EED: variants seen among roughly 807,000 people sequenced by gnomAD.
The protein encoded by EED is embryonic ectoderm development.
In EED, 9 loss-of-function variants were observed where a neutral mutation model predicts 61.0. The observed-to-expected ratio is 0.15, with a 90% CI of 0.09 to 0.26. The LOEUF (loss-of-function observed/expected upper bound fraction) is 0.26, where lower values mean the gene tolerates loss of function less well. EED is among the 10% of genes least tolerant of loss of function. EED has a pLI of 1.00. For missense variants in EED, 315 were observed against 542.3 expected (o/e 0.58, Z 4.16); for synonymous variants, 187 against 174.4 (o/e 1.07, Z -0.57).
At chr11:86,247,718 T>C (rs4944562) in intron 1 of EED, among the ~76,000 whole-genome samples, 52,849 of 152,080 alleles carry the variant, frequency 0.35, 9,213 homozygotes, top group Non-Finnish European at 0.36. Flanking sequence ...GTAGAGAACA[T>C]TGTATAAAAA....
At chr11:86,273,071 T>A (rs1946153386) in intron 9 of EED, among the ~76,000 whole-genome samples, 1 of 152,218 alleles carries the variant, frequency 6.6e-6, no homozygotes. Context: ...TCACCCAGGC[T>A]GGAGTGCAGT....
At chr11:86,283,617 G>A (rs1249133179), downstream of EED, among the ~76,000 whole-genome samples, 1 of 152,172 alleles carries the variant, frequency 6.6e-6, no homozygotes, top group African/African-American at 2.4e-5. Context: ...CTGACGAGGT[G>A]AATATGAGAG....
At chr11:86,284,840 G>A in the EED span, among the ~76,000 whole-genome samples, 16 of 152,192 alleles carry the variant, frequency 1.1e-4, no homozygotes, top group South Asian at 6.2e-4. Flanking sequence ...GGCCGGGTGC[G>A]GTGGTTCATG....
At chr11:86,283,315 T>C (rs145169434), downstream of EED, among the ~76,000 whole-genome samples, 312 of 152,294 alleles carry the variant, frequency 2.0e-3, 3 homozygotes, top group Admixed American at 3.8e-3. Context: ...ACTTTAGATA[T>C]TGCAATTTTC....
chr11:86,272,103 G>T, intron 9 of EED, among the ~76,000 whole-genome samples: 1 of 117,258 alleles, frequency 8.5e-6, no homozygotes, highest in African/African-American at 3.2e-5. Flanking sequence ...TGTCGCCCAG[G>T]CTGGAGTGCA....
At chr11:86,271,853 G>T (rs974267728) in intron 9 of EED, among the ~76,000 whole-genome samples, 2 of 150,282 alleles carry the variant, frequency 1.3e-5, no homozygotes, top group East Asian at 4.0e-4. Flanking sequence ...ATCATCCTGT[G>T]TAATTTTTTG....
chr11:86,248,917 G>A (rs933129620), intron 1 of EED, among the ~76,000 whole-genome samples: 6 of 152,190 alleles, frequency 3.9e-5, no homozygotes, highest in Admixed American at 6.5e-5. Flanking sequence ...AGGCTAAGGT[G>A]GGGGGAAGAT....
chr11:86,249,208 A>T (rs1209908618), intron 1 of EED, among the ~76,000 whole-genome samples: 1 of 152,170 alleles, frequency 6.6e-6, no homozygotes, highest in Non-Finnish European at 1.5e-5. Flanking sequence ...GACTAATGAT[A>T]TTCACATTAA....
chr11:86,247,635 C>T (rs979593599), intron 1 of EED, among the ~76,000 whole-genome samples: 3 of 151,834 alleles, frequency 2.0e-5, no homozygotes, highest in African/African-American at 7.3e-5. Context: ...ATTTTTTTTC[C>T]CCATTTGAGT....
In EED at chr11:86,263,033, C is replaced by T. The variant is rs61694597; in HGVS notation, c.635-1139C>T. Among the ~76,000 whole-genome samples the T allele has an allele frequency of 3.7e-3, 570 of 152,222 alleles. 5 individuals carry two copies. Among genetic ancestry groups the T allele is most frequent in the African/African-American group, 0.013 (539 of 41,548 alleles). On this transcript the variant is annotated intron_variant, in intron 6 of 11. Coordinates refer to ENST00000263360, the MANE Select transcript of EED (RefSeq NM_003797.5). ...ATGTTACCCCGGCTGGTCTTGAATT[C>T]CTGGCCTCAAGTGATCCTCCTGCCT...
intron 6 of EED, among the ~76,000 whole-genome samples, chr11:86,258,625 G>A (rs1053316854): frequency 6.1e-5 from 9 of 146,500 alleles, no homozygotes; most frequent in Admixed American, 5.0e-4. Context: ...GTGCAATCTC[G>A]GCTGACTGCA....
Position 86,278,364 on chromosome 11 carries a change from G to A in EED, c.1200-35G>A, listed in dbSNP as rs747696739. 4.4e-6 allele frequency: 7 copies of A among 1,600,858 alleles called. No homozygotes were observed. In the South Asian group the frequency reaches 7.8e-5, roughly 18 times the overall value. On this transcript the variant is annotated intron_variant, in intron 11 of 11. Coordinates refer to ENST00000263360, the MANE Select transcript of EED (RefSeq NM_003797.5). Reference sequence around the variant, plus strand: ...AGGGTAGACACTGACAACGTTATGTGTGGTCTTTAACCTGTTGTCATGTTT... The same window carrying A: ...AGGGTAGACACTGACAACGTTATGTATGGTCTTTAACCTGTTGTCATGTTT...
At chr11:86,252,326 G>T in intron 3 of EED, 86 bp downstream of exon 3, 1 of 973,716 alleles carries the variant, frequency 1.0e-6, no homozygotes, top group South Asian at 1.9e-5. Flanking sequence ...ATTTCAAAGT[G>T]CATTTTGTGA....
rs759894228 is a variant in EED, at chr11:86,266,094, T to A, written c.738T>A (p.Leu246=). Reference sequence around the variant, plus strand: ...GGTTTTGCATACAGGATTATGATCTTTTGGGTGAAAAAATAATGTCCTGTG... The same window carrying A: ...GGTTTTGCATACAGGATTATGATCTATTGGGTGAAAAAATAATGTCCTGTG... ...RDEVLSADYD[L]LGEKIMSCGM... The change falls in exon 8 of 12, where the codon CTT becomes CTA. Residue 246 remains leucine (L), a synonymous_variant. Transcript: ENST00000263360. 4 of 1,595,464 alleles carry A rather than the reference T, an allele frequency of 2.5e-6. No individual in the cohort carries two copies. In the South Asian group the frequency reaches 3.5e-5, roughly 14 times the overall value.
chr11:86,264,255 C>T lies in EED; in HGVS notation c.718C>T (p.Leu240=), dbSNP rs1476994169. Residue 240 remains leucine, a synonymous_variant, in exon 7 of 12, where the codon CTA becomes TTA. Transcript: ENST00000263360. Reference sequence around the variant, plus strand: ...CGTAGAAGGGCACAGAGATGAAGTTCTAAGTGCTGTAAGTTGGAAACTGCA... The same window carrying T: ...CGTAGAAGGGCACAGAGATGAAGTTTTAAGTGCTGTAAGTTGGAAACTGCA... ...GGVEGHRDEV[L]SADYDLLGEK... The T allele has an allele frequency of 4.3e-6, 7 of 1,613,408 alleles. No homozygotes were observed. The South Asian group carries it at 7.7e-5, about 18-fold the overall frequency.
chr11:86,280,658 ATATT>A (rs375554866), downstream of EED, among the ~76,000 whole-genome samples: 52 of 152,360 alleles, frequency 3.4e-4, no homozygotes, highest in African/African-American at 1.2e-3. Flanking sequence ...ACCATTGTGT[ATATT>A]TATAGGGTAC....
intron 8 of EED, 71 bp from the exon 9 acceptor site, chr11:86,268,384 CA>C: frequency 9.6e-7 from 1 of 1,039,288 alleles, no homozygotes; most frequent in Non-Finnish European, 1.4e-6. Flanking sequence ...TTTATAAATC[CA>C]AAAATGAAAA....
intron 9 of EED, among the ~76,000 whole-genome samples, chr11:86,274,238 T>C (rs1946180490): frequency 6.6e-6 from 1 of 152,186 alleles, no homozygotes; most frequent in Non-Finnish European, 1.5e-5. Flanking sequence ...ATTTTAGTTA[T>C]AAAACTTCCA....
At chr11:86,286,242 T>C in the EED span, among the ~76,000 whole-genome samples, 2 of 151,740 alleles carry the variant, frequency 1.3e-5, no homozygotes, top group South Asian at 2.1e-4. Flanking sequence ...GGTTTCGCCA[T>C]GTTGGCCAGG....
Sources: allele counts gnomAD v4.1 joint callset (sites outside exome capture counted in the v4.1 genomes callset), GRCh38; gene constraint gnomAD v4.1.1; transcripts MANE v1.5; gene names NCBI Gene and HGNC (gene_info 2026-07-23, HGNC 2026-07-21).